The following KCNQ5 variants were observed in gnomAD, a reference collection of about 807,000 sequenced individuals.
The protein encoded by KCNQ5 is potassium voltage-gated channel subfamily Q member 5.
A neutral mutation model predicts 98.2 loss-of-function variants in KCNQ5; 30 were observed. The ratio of observed to expected loss-of-function variants is 0.31; its 90% CI spans 0.23 to 0.41. The LOEUF is 0.41. Among genes scored for constraint, KCNQ5 ranks in the 10% least tolerant of loss-of-function variants. KCNQ5 has a pLI of 1.00. For synonymous variants in KCNQ5, 458 were observed against 449.4 expected (o/e 1.02, Z -0.24); for missense variants, 835 against 1,182.5 (o/e 0.71, Z 4.31).
intron 1 of KCNQ5, among the ~76,000 whole-genome samples, chr6:72,689,697 T>C (rs1768118268): frequency 6.6e-6 from 1 of 152,162 alleles, no homozygotes; most frequent in African/African-American, 2.4e-5. Flanking sequence ...AAAATTTACA[T>C]ACCTGAAATG....
At chr6:73,189,493 A>G (rs939954682) in intron 11 of KCNQ5, among the ~76,000 whole-genome samples, 2 of 152,176 alleles carry the variant, frequency 1.3e-5, no homozygotes, top group African/African-American at 4.8e-5. Context: ...TTTCTTTTTC[A>G]ACTTTACATT....
chr6:72,740,488 G>C (rs1173044832), intron 1 of KCNQ5, among the ~76,000 whole-genome samples: 1 of 152,094 alleles, frequency 6.6e-6, no homozygotes, highest in African/African-American at 2.4e-5. Context: ...GTCTGCAGAG[G>C]TTATCCAAAT....
chr6:72,882,473 A>C (rs1778672241), intron 1 of KCNQ5, among the ~76,000 whole-genome samples: 1 of 152,202 alleles, frequency 6.6e-6, no homozygotes, highest in Admixed American at 6.5e-5. Context: ...TGAATACATA[A>C]GATACCATAA....
At chr6:72,915,175 A>G (rs933945210) in intron 1 of KCNQ5, among the ~76,000 whole-genome samples, 1 of 152,256 alleles carries the variant, frequency 6.6e-6, no homozygotes, top group Non-Finnish European at 1.5e-5. Flanking sequence ...AAAATAAAAA[A>G]TGCTGCAGTG....
chr6:72,683,589 G>C (rs1767812751), intron 1 of KCNQ5, among the ~76,000 whole-genome samples: 1 of 151,960 alleles, frequency 6.6e-6, no homozygotes, highest in African/African-American at 2.4e-5. Context: ...GGATGGTCTT[G>C]ATTTCCTGAA....
chr6:72,656,458 A>C (rs921576088), intron 1 of KCNQ5, among the ~76,000 whole-genome samples: 1 of 152,206 alleles, frequency 6.6e-6, no homozygotes, highest in East Asian at 1.9e-4. Flanking sequence ...TCAGTTTCCC[A>C]CATAGTAAAG....
chr6:72,707,154 A>G (rs1365619919), intron 1 of KCNQ5, among the ~76,000 whole-genome samples: 3 of 152,250 alleles, frequency 2.0e-5, no homozygotes, highest in Non-Finnish European at 4.4e-5. Flanking sequence ...ATGCGTGCAT[A>G]TTCACAAAGC....
chr6:72,791,167 A>G (rs1774019232), intron 1 of KCNQ5, among the ~76,000 whole-genome samples: 1 of 152,202 alleles, frequency 6.6e-6, no homozygotes, highest in African/African-American at 2.4e-5. Flanking sequence ...GAAAGCTGAG[A>G]AAGAGCCAGC....
intron 1 of KCNQ5, among the ~76,000 whole-genome samples, chr6:72,778,085 C>G (rs1773255541): frequency 6.6e-6 from 1 of 152,090 alleles, no homozygotes; most frequent in Non-Finnish European, 1.5e-5. Flanking sequence ...AGGAGAGTCT[C>G]TAGCATAAGT....
intron 3 of KCNQ5, among the ~76,000 whole-genome samples, chr6:73,073,618 G>C (rs542313400): frequency 6.6e-6 from 1 of 152,302 alleles, no homozygotes; most frequent in African/African-American, 2.4e-5. Flanking sequence ...AATTGTGATG[G>C]ATGGATGGTC....
chr6:72,736,496 A>C (rs1020978283), intron 1 of KCNQ5, among the ~76,000 whole-genome samples: 2 of 124,796 alleles, frequency 1.6e-5, no homozygotes, highest in Non-Finnish European at 3.1e-5. Context: ...ATGTAAAAAA[A>C]GATTTCTTTT....
chr6:72,830,479 G>A (rs1308076143), intron 1 of KCNQ5, among the ~76,000 whole-genome samples: 1 of 152,154 alleles, frequency 6.6e-6, no homozygotes, highest in African/African-American at 2.4e-5. Flanking sequence ...AACAAGGAAT[G>A]GGGAAAGGAT....
At chr6:72,839,098 TTTTAA>T (rs1366119013) in intron 1 of KCNQ5, among the ~76,000 whole-genome samples, 3 of 152,284 alleles carry the variant, frequency 2.0e-5, no homozygotes. Flanking sequence ...TCATGGTTAA[TTTTAA>T]CTATTTTATG....
chr6:72,698,886 T>A (rs1768656641), intron 1 of KCNQ5, among the ~76,000 whole-genome samples: 1 of 151,962 alleles, frequency 6.6e-6, no homozygotes, highest in Non-Finnish European at 1.5e-5. Context: ...CTCAAACTTA[T>A]TGCCTCAAGC....
rs565794037 is a variant in KCNQ5, at chr6:73,110,993, A to AG, written c.1030-315_1030-314insG. Among the ~76,000 whole-genome samples, 725 of 151,338 alleles carry AG rather than the reference A, an allele frequency of 4.8e-3. 9 individuals carry two copies. Among genetic ancestry groups the AG allele is most frequent in the African/African-American group, 0.017 (682 of 40,852 alleles). ...ATGTCACAGAGAAGGCCACACACAC[A>AG]CAAAAAAATTTTATTGTGATTTTAT... On this transcript the variant is annotated intron_variant, in intron 6 of 13. Coordinates refer to ENST00000370398, the MANE Select transcript of KCNQ5 (RefSeq NM_019842.4).
chr6:72,804,996 G>T (rs1024538226), intron 1 of KCNQ5, among the ~76,000 whole-genome samples: 1 of 151,870 alleles, frequency 6.6e-6, no homozygotes, highest in African/African-American at 2.4e-5. Context: ...ATTTTTGCCC[G>T]TTTTAAAATC....
At chr6:72,744,483 A>G (rs1238994480) in intron 1 of KCNQ5, among the ~76,000 whole-genome samples, 1 of 152,202 alleles carries the variant, frequency 6.6e-6, no homozygotes, top group East Asian at 1.9e-4. Flanking sequence ...TTCTATCAGT[A>G]GGAATAGACA....
intron 1 of KCNQ5, among the ~76,000 whole-genome samples, chr6:72,797,021 G>T (rs1166397429): frequency 6.6e-6 from 1 of 152,070 alleles, no homozygotes; most frequent in Non-Finnish European, 1.5e-5. Flanking sequence ...TTTACGTTTT[G>T]TCAACACACA....
At chr6:73,120,281 G>T (rs980489575) in intron 7 of KCNQ5, among the ~76,000 whole-genome samples, 2 of 152,078 alleles carry the variant, frequency 1.3e-5, no homozygotes, top group Non-Finnish European at 1.5e-5. Flanking sequence ...TAAAATAAAA[G>T]AAGTTCTGAT....
Sources: allele counts gnomAD v4.1 joint callset (sites outside exome capture counted in the v4.1 genomes callset), GRCh38; gene constraint gnomAD v4.1.1; transcripts MANE v1.5; gene names NCBI Gene and HGNC (gene_info 2026-07-23, HGNC 2026-07-21).